Variants in FAM135B observed in about 807,000 individuals in gnomAD.
FAM135B encodes family with sequence similarity 135 member B, also known as protein FAM135B.
FAM135B carries 43 observed loss-of-function variants against 127.7 expected under a neutral mutation model. The observed-to-expected ratio is 0.34, with a 90% CI of 0.26 to 0.43. The LOEUF is 0.43. FAM135B is among the 20% of genes least tolerant of loss of function. FAM135B has a pLI of 1.00. For missense variants in FAM135B, 1,558 were observed against 1,725.6 expected (o/e 0.90, Z 1.72); for synonymous variants, 670 against 665.1 (o/e 1.01, Z -0.11).
At chr8:138,361,372 A>T (rs1830410353) in intron 2 of FAM135B, among the ~76,000 whole-genome samples, 1 of 152,226 alleles carries the variant, frequency 6.6e-6, no homozygotes, top group Non-Finnish European at 1.5e-5. Context: ...CATGTGACTC[A>T]TCTGTAATTG....
chr8:138,193,815 A>C (rs1006911240), intron 9 of FAM135B, among the ~76,000 whole-genome samples: 6 of 152,160 alleles, frequency 3.9e-5, no homozygotes, highest in Admixed American at 2.6e-4. Context: ...TAGATGAGGA[A>C]TCCCAGGCCC....
chr8:138,140,676 CCATA>C (rs1817061416), intron 17 of FAM135B, among the ~76,000 whole-genome samples: 4 of 152,026 alleles, frequency 2.6e-5, no homozygotes. Context: ...CACCTACACA[CCATA>C]TATATGTATA....
chr8:138,203,367 G>C (rs1225920185), intron 7 of FAM135B, among the ~76,000 whole-genome samples: 2 of 152,142 alleles, frequency 1.3e-5, no homozygotes, highest in Non-Finnish European at 2.9e-5. Context: ...GAACAAAACA[G>C]ATTCTTCTAG....
intron 1 of FAM135B, among the ~76,000 whole-genome samples, chr8:138,418,349 A>G (rs2131439750): frequency 6.6e-6 from 1 of 152,330 alleles, no homozygotes; most frequent in South Asian, 2.1e-4. Flanking sequence ...GAGAGGGAGC[A>G]AGCAACTTTG....
At chr8:138,204,182 C>T (rs1435180013) in intron 7 of FAM135B, among the ~76,000 whole-genome samples, 1 of 152,196 alleles carries the variant, frequency 6.6e-6, no homozygotes, top group Non-Finnish European at 1.5e-5. Flanking sequence ...GACTCACCTG[C>T]TATCTCTTGT....
At chr8:138,191,921 C>T (rs34060508) in intron 9 of FAM135B, among the ~76,000 whole-genome samples, 12 of 152,224 alleles carry the variant, frequency 7.9e-5, no homozygotes, top group African/African-American at 2.9e-4. Context: ...TGGACTTCAT[C>T]TCTATTCCCT....
At chr8:138,294,446 AT>A (rs1345307727) in intron 3 of FAM135B, among the ~76,000 whole-genome samples, 3 of 152,186 alleles carry the variant, frequency 2.0e-5, no homozygotes, top group African/African-American at 7.2e-5. Flanking sequence ...AAAATATGCA[AT>A]TTTTATGTCA....
chr8:138,439,890 C>T (rs1835668167), intron 1 of FAM135B: 1 of 152,198 alleles, frequency 6.6e-6, no homozygotes, highest in Non-Finnish European at 1.5e-5. Context: ...TTCCATCACT[C>T]CAGGTACTTC....
At chr8:138,149,800 C>G (rs142428227) in intron 13 of FAM135B, among the ~76,000 whole-genome samples, 1 of 152,220 alleles carries the variant, frequency 6.6e-6, no homozygotes, top group Non-Finnish European at 1.5e-5. Flanking sequence ...GGCTCCACCA[C>G]GCGCACATGA....
intron 1 of FAM135B, among the ~76,000 whole-genome samples, chr8:138,484,008 G>A (rs1331338478): frequency 6.6e-6 from 1 of 152,134 alleles, no homozygotes. Context: ...CTTTTTTCCA[G>A]TTTGTTTCAA....
At chr8:138,197,858 G>A (rs1816786787) in intron 7 of FAM135B, among the ~76,000 whole-genome samples, 189 bp from the exon 8 acceptor site, 1 of 152,170 alleles carries the variant, frequency 6.6e-6, no homozygotes, top group East Asian at 1.9e-4. Flanking sequence ...GTCCTGAGCT[G>A]GAATTGCTTC....
At chr8:138,146,402 C>T (rs1586594300) in intron 14 of FAM135B, among the ~76,000 whole-genome samples, 2 of 152,138 alleles carry the variant, frequency 1.3e-5, no homozygotes, top group South Asian at 2.1e-4. Flanking sequence ...TTTCGAATGG[C>T]TGATGGGGCA....
In FAM135B at chr8:138,150,452, G is replaced by A. The variant is rs189374423; in HGVS notation, c.3281+742C>T. 2.4e-3 allele frequency among the ~76,000 whole-genome samples: 365 copies of A among 152,268 alleles called. 1 individual carries two copies. Among genetic ancestry groups the A allele is most frequent in the African/African-American group, 8.3e-3 (343 of 41,540 alleles). On this transcript the variant is annotated intron_variant, in intron 13 of 19. Transcript: ENST00000395297. Reference sequence around the variant, plus strand: ...TGGGAGGCCCAGGCGGGTAGATCACGAGGTCAAGAGATCGAGACCATCCTA... The same window carrying A: ...TGGGAGGCCCAGGCGGGTAGATCACAAGGTCAAGAGATCGAGACCATCCTA...
chr8:138,447,480 A>G (rs1458685897), intron 1 of FAM135B, among the ~76,000 whole-genome samples: 20 of 152,214 alleles, frequency 1.3e-4, no homozygotes, highest in Admixed American at 1.1e-3. Flanking sequence ...CAGCCATAAA[A>G]ATGATGAGTT....
At chr8:138,355,534 T>A (rs966293767) in intron 2 of FAM135B, among the ~76,000 whole-genome samples, 2 of 152,136 alleles carry the variant, frequency 1.3e-5, no homozygotes, top group Non-Finnish European at 2.9e-5. Flanking sequence ...TTCTGAGGAC[T>A]CTATTTGGAG....
At chr8:138,355,052 T>C (rs1350175601) in intron 2 of FAM135B, among the ~76,000 whole-genome samples, 1 of 152,140 alleles carries the variant, frequency 6.6e-6, no homozygotes, top group East Asian at 1.9e-4. Flanking sequence ...GATGTTCCCC[T>C]TCCTGTGTCC....
chr8:138,206,388 TCCACCTACACACAGCTCTATCGTCC>T (rs1817607191), intron 7 of FAM135B, among the ~76,000 whole-genome samples: 1 of 148,674 alleles, frequency 6.7e-6, no homozygotes, highest in Admixed American at 6.6e-5. Context: ...TATCATCCCC[TCCACCTACACACAGCTCTATCGTCC>T]CCTCCACCTA....
At chr8:138,356,975 G>A (rs12676240) in intron 2 of FAM135B, among the ~76,000 whole-genome samples, 2,167 of 152,158 alleles carry the variant, frequency 0.014, 40 homozygotes, top group East Asian at 0.11. Context: ...AGTATATGAG[G>A]ACAATTAAGT....
chr8:138,161,383 C>T (rs1454514064), intron 12 of FAM135B, among the ~76,000 whole-genome samples: 1 of 148,008 alleles, frequency 6.8e-6, no homozygotes, highest in East Asian at 2.0e-4. Flanking sequence ...CTCTGCCTCC[C>T]TCCTTTCTAA....
Sources: allele counts gnomAD v4.1 joint callset (sites outside exome capture counted in the v4.1 genomes callset), GRCh38; gene constraint gnomAD v4.1.1; transcripts MANE v1.5; gene names NCBI Gene and HGNC (gene_info 2026-07-23, HGNC 2026-07-21).